The following ADGRL3 variants were observed in gnomAD, a reference collection of about 807,000 sequenced individuals.
ADGRL3 encodes calcium-independent alpha-latrotoxin receptor 3.
Under a neutral mutation model 153.5 loss-of-function variants are expected in ADGRL3, and 62 were observed. The ratio of observed to expected loss-of-function variants is 0.40; its 90% confidence interval spans 0.33 to 0.50. ADGRL3 has a LOEUF of 0.50. ADGRL3 is among the 20% of genes least tolerant of loss of function. The pLI is 0.47. For synonymous variants in ADGRL3, 710 were observed against 672.5 expected (o/e 1.06, Z -0.86); for missense variants, 1,641 against 1,859.4 (o/e 0.88, Z 2.16).
chr4:61,939,117 G>A lies in ADGRL3; in HGVS notation c.2419+3072G>A, dbSNP rs565113994. ...ATTAGATTTAAGAGACTGTCATAAAGGAAAAAATAAGGTGGAAAGACTTGG... is the reference window on the plus strand; with the variant it reads ...ATTAGATTTAAGAGACTGTCATAAAAGAAAAAATAAGGTGGAAAGACTTGG... On this transcript the variant is annotated intron_variant, in intron 15 of 26. Transcript: ENST00000683033. 8.6e-5 allele frequency among the ~76,000 whole-genome samples: 13 copies of A among 152,040 alleles called. No homozygotes were observed. In the East Asian group the frequency reaches 1.2e-3, roughly 14 times the overall value.
chr4:61,612,494 A>G (rs1039714607), intron 5 of ADGRL3, among the ~76,000 whole-genome samples: 1 of 152,214 alleles, frequency 6.6e-6, no homozygotes, highest in African/African-American at 2.4e-5. Context: ...AATACGAGGA[A>G]TCTCTTGACT....
intron 8 of ADGRL3, among the ~76,000 whole-genome samples, chr4:61,795,050 C>G (rs1463808950): frequency 1.3e-5 from 2 of 152,170 alleles, no homozygotes; most frequent in East Asian, 1.9e-4. Flanking sequence ...AATTGAAGAG[C>G]TATTCATAGG....
rs184534374 is a variant in ADGRL3, at chr4:61,806,637, C to T, written c.1400-7172C>T. Among the ~76,000 whole-genome samples the T allele has an allele frequency of 1.8e-4, 28 of 152,038 alleles. No individual in the cohort carries two copies. The East Asian group carries it at 5.2e-3, about 28-fold the overall frequency. On this transcript the variant is annotated intron_variant, in intron 8 of 26. Transcript: ENST00000683033. ...TCCTTGGAATTTGATATTTAGGCTGCATATTGAAAGGGTTAAATAATTGGT... is the reference window on the plus strand; with the variant it reads ...TCCTTGGAATTTGATATTTAGGCTGTATATTGAAAGGGTTAAATAATTGGT...
At chr4:61,587,106 A>G (rs543478045) in intron 4 of ADGRL3, 121 bp from the exon 5 acceptor site, 1 of 509,682 alleles carries the variant, frequency 2.0e-6, no homozygotes, top group East Asian at 3.0e-5. Context: ...TAAAATTATG[A>G]ATCTTAACTG....
At chr4:61,512,739 T>G (rs1473197687) in intron 3 of ADGRL3, among the ~76,000 whole-genome samples, 1 of 151,942 alleles carries the variant, frequency 6.6e-6, no homozygotes, top group Non-Finnish European at 1.5e-5. Flanking sequence ...AAGAGTGATA[T>G]TAGAAAGTGG....
intron 5 of ADGRL3, among the ~76,000 whole-genome samples, chr4:61,591,240 T>G (rs916456032): frequency 6.6e-6 from 1 of 152,204 alleles, no homozygotes; most frequent in Admixed American, 6.5e-5. Flanking sequence ...TAATGTAAAT[T>G]TGTTGAAGCA....
chr4:61,801,286 A>C (rs2097493368), intron 8 of ADGRL3, among the ~76,000 whole-genome samples: 1 of 151,944 alleles, frequency 6.6e-6, no homozygotes, highest in Admixed American at 6.6e-5. Context: ...TTTTTTCTTG[A>C]GATATTAATA....
chr4:61,989,402 C>G (rs2099096402), intron 19 of ADGRL3, among the ~76,000 whole-genome samples: 1 of 152,002 alleles, frequency 6.6e-6, no homozygotes, highest in Non-Finnish European at 1.5e-5. Flanking sequence ...TTGACTATAG[C>G]TTGGCCAGTA....
intron 1 of ADGRL3, among the ~76,000 whole-genome samples, chr4:61,224,164 A>G: frequency 6.6e-6 from 1 of 152,152 alleles, no homozygotes; most frequent in East Asian, 1.9e-4. Flanking sequence ...ATGTCTAATA[A>G]CTACAATAAC....
Position 62,071,672 on chromosome 4 carries a change from C to T in ADGRL3, c.*764C>T, listed in dbSNP as rs1263068588. On this transcript the variant is annotated 3_prime_UTR_variant, in exon 27 of 27. Coordinates refer to ENST00000683033, the MANE Select transcript of ADGRL3 (RefSeq NM_001387552.1). ...AAAGAAATTTTCTTTTTCTTTTGTG[C>T]TGGTCTTGCAAGTTTGTCTACCAGT... is the stretch of plus-strand genomic sequence containing the variant. 2.6e-5 allele frequency: 10 copies of T among 391,338 alleles called. No homozygotes were observed. Among genetic ancestry groups the T allele is most frequent in the African/African-American group, 2.2e-4 (10 of 45,860 alleles). 24.2% of individuals were successfully genotyped at this position (391,338 alleles called of 1,614,324 possible). A position where few individuals can be genotyped will look rare whatever the true frequency, so the allele number is the denominator to read the frequency against.
intron 19 of ADGRL3, among the ~76,000 whole-genome samples, chr4:61,986,290 T>G (rs1488850503): frequency 6.6e-6 from 1 of 152,214 alleles, no homozygotes; most frequent in African/African-American, 2.4e-5. Flanking sequence ...TCTCTTGAAG[T>G]TCCAAATTAC....
At chr4:61,375,735 G>A (rs2096595324) in intron 1 of ADGRL3, among the ~76,000 whole-genome samples, 1 of 151,942 alleles carries the variant, frequency 6.6e-6, no homozygotes, top group African/African-American at 2.4e-5. Flanking sequence ...CCAAAATACA[G>A]CTCCTATAAA....
chr4:61,841,852 A>T (rs1203375460), intron 9 of ADGRL3, among the ~76,000 whole-genome samples: 1 of 152,152 alleles, frequency 6.6e-6, no homozygotes, highest in Non-Finnish European at 1.5e-5. Flanking sequence ...TGTTATTATA[A>T]TACATACTTG....
intron 2 of ADGRL3, chr4:61,420,789 C>CAAAAAAAAAA (rs781119391): frequency 4.4e-5 from 5 of 112,612 alleles, no homozygotes; most frequent in Admixed American, 9.5e-5. Flanking sequence ...TACCCAAGGT[C>CAAAAAAAAAA]AAAAAAAAAA....
intron 1 of ADGRL3, among the ~76,000 whole-genome samples, chr4:61,242,790 C>T (rs765797307): frequency 2.0e-5 from 3 of 151,986 alleles, no homozygotes; most frequent in Admixed American, 2.0e-4. Flanking sequence ...GTGATGATTT[C>T]GTTTTTACAG....
intron 8 of ADGRL3, 86 bp from the exon 9 acceptor site, chr4:61,813,723 G>T: frequency 6.7e-7 from 1 of 1,484,244 alleles, no homozygotes. Context: ...AGTTTGGAGT[G>T]AAATAGTGTT....
intron 1 of ADGRL3, among the ~76,000 whole-genome samples, chr4:61,275,388 T>C: frequency 6.6e-6 from 1 of 152,190 alleles, no homozygotes; most frequent in Non-Finnish European, 1.5e-5. Context: ...CTAAATCTCC[T>C]AGAGCATCTG....
At chr4:61,595,236 G>T (rs919303186) in intron 5 of ADGRL3, among the ~76,000 whole-genome samples, 17 of 152,050 alleles carry the variant, frequency 1.1e-4, no homozygotes, top group Non-Finnish European at 2.2e-4. Flanking sequence ...TTAAACAGAA[G>T]TATTTCACCA....
At chr4:61,805,636 G>A (rs772502178) in intron 8 of ADGRL3, among the ~76,000 whole-genome samples, 1 of 152,084 alleles carries the variant, frequency 6.6e-6, no homozygotes, top group African/African-American at 2.4e-5. Context: ...CTGTTAAATA[G>A]ATGGATAATA....
Sources: gnomAD v4.1 joint callset for allele counts (sites outside exome capture counted in the v4.1 genomes callset) on GRCh38, gnomAD v4.1.1 for gene constraint, MANE v1.5 for transcripts, NCBI Gene and HGNC (gene_info 2026-07-23, HGNC 2026-07-21) for gene names.